The following WWOX variants were observed in gnomAD, a reference collection of about 807,000 sequenced individuals.
The protein encoded by WWOX is WW domain-containing oxidoreductase.
WWOX carries 69 observed loss-of-function variants against 46.2 expected under a neutral mutation model. The observed-to-expected ratio is 1.49, with a 90% CI of 1.23 to 1.82. The LOEUF (loss-of-function observed/expected upper bound fraction) is 1.82. Ranked by LOEUF, WWOX falls within the 40% of genes most tolerant of loss-of-function variation. The probability of loss-of-function intolerance (pLI) is 0.00; values close to 1 mark genes in which losing one functional copy is unlikely to be tolerated. For synonymous variants in WWOX, 359 were observed against 202.6 expected, an observed-to-expected ratio of 1.77 and a Z score of -6.56; for missense variants, 919 against 542.6, an observed-to-expected ratio of 1.69 and a Z score of -6.89.
At chr16:79,024,994 G>A (rs1184450884) in intron 8 of WWOX, among the ~76,000 whole-genome samples, 1 of 152,214 alleles carries the variant, frequency 6.6e-6, no homozygotes, top group Non-Finnish European at 1.5e-5. Context: ...CCTAGGACCT[G>A]AGCTGATGTA....
intron 8 of WWOX, among the ~76,000 whole-genome samples, chr16:78,838,688 A>G (rs1269606611): frequency 6.6e-6 from 1 of 152,130 alleles, no homozygotes; most frequent in Non-Finnish European, 1.5e-5. Context: ...CTAAAAATAC[A>G]AAAAGTTAGC....
At chr16:78,355,505 G>C (rs1353734042) in intron 5 of WWOX, 2 of 369,902 alleles carry the variant, frequency 5.4e-6, no homozygotes, top group Non-Finnish European at 1.1e-5. Context: ...GGGAGGCTGA[G>C]ACCGAAGAAT....
At chr16:78,151,151 A>G (rs1056125269) in intron 4 of WWOX, among the ~76,000 whole-genome samples, 8 of 151,382 alleles carry the variant, frequency 5.3e-5, no homozygotes, top group African/African-American at 1.9e-4. Context: ...TGCTAGGATT[A>G]CAGGCATGAG....
chr16:78,620,886 G>A (rs779477635), intron 8 of WWOX, among the ~76,000 whole-genome samples: 18 of 152,054 alleles, frequency 1.2e-4, no homozygotes, highest in Non-Finnish European at 2.2e-4. Flanking sequence ...TACGTATTGC[G>A]TATATTTGGT....
intron 8 of WWOX, among the ~76,000 whole-genome samples, chr16:79,032,847 A>T (rs1170445379): frequency 1.3e-5 from 2 of 151,458 alleles, no homozygotes; most frequent in African/African-American, 4.8e-5. Context: ...GGTTTGTTGT[A>T]CAGATGATTT....
At position 78,273,258 on chromosome 16, in the gene WWOX, T is replaced by C. The variant is rs566160592; in HGVS notation, c.516+108969T>C. ...AACTTCCTAGCCTCCACCTGTACCC[T>C]GAATTGGCCCTAGCCTAGTTGTCCA... is the stretch of plus-strand genomic sequence containing the variant. On this transcript the variant is annotated intron_variant, in intron 5 of 8. Transcript: ENST00000566780. Among the ~76,000 whole-genome samples, 3 of 152,330 alleles carry C rather than the reference T, an allele frequency of 2.0e-5. No homozygotes were observed. The South Asian group carries it at 6.2e-4, about 32-fold the overall frequency.
intron 5 of WWOX, among the ~76,000 whole-genome samples, chr16:78,225,281 A>C (rs1383769395): frequency 1.3e-5 from 2 of 152,202 alleles, no homozygotes; most frequent in African/African-American, 4.8e-5. Flanking sequence ...TAAACATAGA[A>C]AAGGTACAGT....
chr16:78,210,510 C>A (rs11863712), intron 5 of WWOX, among the ~76,000 whole-genome samples: 1 of 151,890 alleles, frequency 6.6e-6, no homozygotes, highest in Admixed American at 6.6e-5. Context: ...CAGACACACA[C>A]TCTCTCTCTC....
chr16:78,406,737 C>T (rs1448905438), intron 6 of WWOX, among the ~76,000 whole-genome samples: 6 of 151,834 alleles, frequency 4.0e-5, no homozygotes. Context: ...AGCGATTCTC[C>T]TGCCTCAGCC....
At chr16:79,038,381 AAATTCTGTGAGTCT>A (rs1168818804) in intron 8 of WWOX, among the ~76,000 whole-genome samples, 1 of 152,214 alleles carries the variant, frequency 6.6e-6, no homozygotes, top group East Asian at 1.9e-4. Flanking sequence ...GAAGGAAGAA[AAATTCTGTGAGTCT>A]AATTATGGAA....
chr16:78,763,834 G>T (rs1157339469), intron 8 of WWOX, among the ~76,000 whole-genome samples: 1 of 152,154 alleles, frequency 6.6e-6, no homozygotes, highest in Non-Finnish European at 1.5e-5. Flanking sequence ...AGTAGAGCTG[G>T]CTCTCCTCTT....
intron 8 of WWOX, among the ~76,000 whole-genome samples, chr16:78,695,339 A>G (rs994380371): frequency 2.0e-5 from 3 of 151,956 alleles, no homozygotes; most frequent in Non-Finnish European, 2.9e-5. Context: ...GAATCCTCCC[A>G]TATGTCCCTC....
intron 8 of WWOX, among the ~76,000 whole-genome samples, chr16:78,507,657 C>T (rs1273001630): frequency 6.6e-6 from 1 of 152,166 alleles, no homozygotes; most frequent in Non-Finnish European, 1.5e-5. Context: ...GTCCCGTCTC[C>T]AGCCAGATCA....
intron 8 of WWOX, among the ~76,000 whole-genome samples, chr16:78,857,335 CA>C (rs1408091855): frequency 1.3e-5 from 2 of 152,148 alleles, no homozygotes; most frequent in East Asian, 3.9e-4. Context: ...ATGACATTGG[CA>C]AAAGTTAAGA....
chr16:78,405,575 A>C (rs2082508218), intron 6 of WWOX, among the ~76,000 whole-genome samples: 1 of 152,228 alleles, frequency 6.6e-6, no homozygotes, highest in African/African-American at 2.4e-5. Context: ...AGTAAGGGCA[A>C]CAGAAACAAT....
rs992243858 is a variant in WWOX, at chr16:79,002,865, A to G, written c.1057-208743A>G. ...CCTCTTCGAGATGCTGATTTGGAAA[A>G]TAACTCCATGATGAAACATGTCAAG... On this transcript the variant is annotated intron_variant, in intron 8 of 8. Transcript: ENST00000566780. Among the ~76,000 whole-genome samples, 5 of 152,240 alleles carry G rather than the reference A, an allele frequency of 3.3e-5. No homozygotes were observed. In the East Asian group the frequency reaches 9.6e-4, roughly 29 times the overall value.
chr16:78,843,895 C>T (rs910356635), intron 8 of WWOX, among the ~76,000 whole-genome samples: 7 of 152,234 alleles, frequency 4.6e-5, no homozygotes, highest in African/African-American at 9.6e-5. Flanking sequence ...TCCTTGGTAG[C>T]GTTTCAGCTG....
At chr16:78,748,800 C>G (rs1170566958) in intron 8 of WWOX, among the ~76,000 whole-genome samples, 1 of 152,222 alleles carries the variant, frequency 6.6e-6, no homozygotes, top group African/African-American at 2.4e-5. Context: ...TGCCCTCTGA[C>G]ACGGCAAACA....
chr16:78,211,956 C>G (rs568170652), intron 5 of WWOX, among the ~76,000 whole-genome samples: 37 of 152,214 alleles, frequency 2.4e-4, no homozygotes, highest in Non-Finnish European at 4.3e-4. Flanking sequence ...ATGTTAACAT[C>G]CTGGTAGCTC....
Sources: allele counts gnomAD v4.1 joint callset (sites outside exome capture counted in the v4.1 genomes callset), GRCh38; gene constraint gnomAD v4.1.1; transcripts MANE v1.5; gene names NCBI Gene and HGNC (gene_info 2026-07-23, HGNC 2026-07-21).